The following LAMA5 variants were observed in gnomAD, a reference collection of about 807,000 sequenced individuals.
The protein encoded by LAMA5 is laminin subunit alpha 5.
In LAMA5, 260 loss-of-function variants were observed where a neutral mutation model predicts 433.4. The ratio of observed to expected loss-of-function variants is 0.60; its 90% confidence interval spans 0.54 to 0.66. The LOEUF (loss-of-function observed/expected upper bound fraction) is 0.66. Among genes scored for constraint, LAMA5 ranks in the 30% least tolerant of loss-of-function variants. The probability of loss-of-function intolerance (pLI) is 0.00; values close to 1 mark genes in which losing one functional copy is unlikely to be tolerated. For missense variants in LAMA5, 5,378 were observed against 5,258.5 expected (o/e 1.02, Z -0.70); for synonymous variants, 2,620 against 2,226.6 (o/e 1.18, Z -4.97).
chr20:62,346,262 A>T, intron 9 of LAMA5, 47 bp from the exon 10 acceptor site: 1 of 1,583,134 alleles, frequency 6.3e-7, no homozygotes, highest in Non-Finnish European at 8.6e-7. Flanking sequence ...CCAGGACTCA[A>T]GGGGTGGGCT....
In LAMA5 at chr20:62,363,109, C is replaced by A. The variant is rs562180769; in HGVS notation, c.298-557G>T. ...AAGGGGGAGCTGCAGACAGAAGGAC[C>A]GTCAGGGCCGGGATCCAGGCGGCCA... is the stretch of plus-strand genomic sequence containing the variant. On this transcript the variant is annotated intron_variant, in intron 1 of 79. Coordinates refer to ENST00000252999, the MANE Select transcript of LAMA5 (RefSeq NM_005560.6). Among the ~76,000 whole-genome samples, 3 of 152,256 alleles carry A rather than the reference C, an allele frequency of 2.0e-5. No homozygotes were observed. In the East Asian group the frequency reaches 5.8e-4, roughly 30 times the overall value.
rs762534791 is a variant in LAMA5 at position 62,338,499 on chromosome 20, G to A, written c.1587C>T (p.Cys529=). ...PNFQGTHCEL[C]APGFYGPGCQ... ...AGCCGGGGCCGTAGAACCCTGGCGCGCAGAGCTCACAATGGGTGCCTTGGA... is the reference window on the plus strand; with the variant it reads ...AGCCGGGGCCGTAGAACCCTGGCGCACAGAGCTCACAATGGGTGCCTTGGA... Residue 529 remains cysteine (C), a synonymous_variant, in exon 12 of 80, where the codon TGC becomes TGT. Transcript: ENST00000252999. The A allele has an allele frequency of 1.1e-4, 175 of 1,608,872 alleles. No homozygotes were observed. The highest frequency in any genetic ancestry group is 1.3e-4 in the Non-Finnish European group (151 of 1,178,614).
chr20:62,312,320 C>CG lies in LAMA5; in HGVS notation c.9361-5dup, dbSNP rs762419989. On this transcript the variant is annotated splice_polypyrimidine_tract_variant and splice_region_variant and intron_variant, in intron 68 of 79. Coordinates refer to ENST00000252999, the MANE Select transcript of LAMA5 (RefSeq NM_005560.6). ...GGAAAGTCATGGCGCGCCCCACCTG[C>CG]GGGGAGGCCATCCCTGAGTGCCCGC... 5 of 1,608,174 alleles carry CG rather than the reference C, an allele frequency of 3.1e-6. No individual in the cohort carries two copies. Among genetic ancestry groups the CG allele is most frequent in the Non-Finnish European group, 3.4e-6 (4 of 1,179,202 alleles).
rs1985797281 is a variant in LAMA5, at chr20:62,360,035, CTGGCTT to C, written c.450+2359_450+2364del. The stretch of plus-strand genomic sequence containing the variant: ...TGCCCGGACCCACCCGCCGCTCAGC[CTGGCTT>C]CCTGATGGAGGCCCCAGCCCCGCCC... On this transcript the variant is annotated intron_variant, in intron 2 of 79. Coordinates refer to ENST00000252999, the MANE Select transcript of LAMA5 (RefSeq NM_005560.6). 9.9e-5 allele frequency among the ~76,000 whole-genome samples: 15 copies of C among 151,158 alleles called. No individual in the cohort carries two copies. The South Asian group carries it at 2.9e-3, about 30-fold the overall frequency.
chr20:62,334,078 A>G, intron 22 of LAMA5, 39 bp from the exon 23 acceptor site: 1 of 1,596,100 alleles, frequency 6.3e-7, no homozygotes, highest in South Asian at 1.1e-5. Flanking sequence ...CTCCCTGACC[A>G]CTGCCAGCCT....
intron 37 of LAMA5, 61 bp downstream of exon 37, chr20:62,327,468 T>C: frequency 6.2e-7 from 1 of 1,605,612 alleles, no homozygotes; most frequent in Non-Finnish European, 8.5e-7. Context: ...GGCCCCATCT[T>C]GCATCCAGTC....
Position 62,335,030 on chromosome 20 carries a change from C to T in LAMA5, c.2473G>A (p.Gly825Ser). The change falls in exon 20 of 80, where the codon GGC (glycine) becomes AGC (serine). Residue 825 changes from glycine to serine, a missense_variant. By Grantham distance (56) the Gly-to-Ser change is moderately conservative. Coordinates refer to ENST00000252999, the MANE Select transcript of LAMA5 (RefSeq NM_005560.6). ...FFGLDQADYF[G>S]CRSCRCDIGG... ...GCGAGTGGGCACTCACTGCGGCAGC[C>T]AAAATAGTCAGCCTGATCCAGTCCA... is the stretch of plus-strand genomic sequence containing the variant. The T allele has an allele frequency of 6.2e-7, 1 of 1,612,794 alleles. No homozygotes were observed. Among genetic ancestry groups the T allele is most frequent in the South Asian group, 1.1e-5 (1 of 91,080 alleles).
chr20:62,362,672 C>G (rs1254446979), intron 1 of LAMA5, 120 bp from the exon 2 acceptor site: 3 of 816,856 alleles, frequency 3.7e-6, no homozygotes, highest in Non-Finnish European at 5.2e-6. Flanking sequence ...CACGCCCAGC[C>G]TCTGCGCCCC....
intron 48 of LAMA5, among the ~76,000 whole-genome samples, chr20:62,321,793 G>A (rs1330382319): frequency 1.3e-5 from 2 of 151,294 alleles, no homozygotes; most frequent in African/African-American, 4.9e-5. Context: ...AGATGGGGTG[G>A]GGCCAGGGCA....
rs182313028 is a variant in LAMA5 at position 62,336,337 on chromosome 20, C to T, written c.2323+3G>A. Reference sequence around the variant, plus strand: ...GTACCCCAATACTCCAGGGCACACTCACGGGTACAGCCCTCGGGGTTGCTG... The same window carrying T: ...GTACCCCAATACTCCAGGGCACACTTACGGGTACAGCCCTCGGGGTTGCTG... On this transcript the variant is annotated splice_donor_region_variant and intron_variant, in intron 18 of 79. Transcript: ENST00000252999. The T allele has an allele frequency of 5.0e-6, 8 of 1,601,642 alleles. No homozygotes were observed. The East Asian group carries it at 1.8e-4, about 36-fold the overall frequency.
In LAMA5 at chr20:62,311,551, C is replaced by T. The variant is rs1371501206; in HGVS notation, c.9807-15G>A. 1.2e-6 allele frequency: 2 copies of T among 1,609,352 alleles called. No individual in the cohort carries two copies. Among genetic ancestry groups the T allele is most frequent in the Non-Finnish European group, 1.7e-6 (2 of 1,178,014 alleles). On this transcript the variant is annotated splice_polypyrimidine_tract_variant and intron_variant, in intron 71 of 79. Coordinates refer to ENST00000252999, the MANE Select transcript of LAMA5 (RefSeq NM_005560.6). ...GGCCCAGGAGCCTGTGCAGGGCGGG[C>T]AGGCGGTCAGCAGCTGCGGAAGGCC...
chr20:62,338,293 G>GC lies in LAMA5; in HGVS notation c.1694dup (p.Phe566LeufsTer7). On this transcript the variant is annotated frameshift_variant, in exon 13 of 80. Transcript: ENST00000252999. LOFTEE classifies it high-confidence loss of function. Reference sequence around the variant, plus strand: ...AGCGATCACATGTGGCCCCCTCGAAGCCCACTCGGCACCTGCACTGGCCTG... The same window carrying GC: ...AGCGATCACATGTGGCCCCCTCGAAGCCCCACTCGGCACCTGCACTGGCCTG... 1.2e-6 allele frequency: 2 copies of GC among 1,603,710 alleles called. No individual in the cohort carries two copies. The highest frequency in any genetic ancestry group is 1.7e-6 in the Non-Finnish European group (2 of 1,175,516).
At position 62,337,898 on chromosome 20, in the gene LAMA5, A is replaced by G; in HGVS notation, c.1932T>C (p.Cys644=). The G allele has an allele frequency of 1.9e-6, 3 of 1,612,122 alleles. No homozygotes were observed. Among genetic ancestry groups the G allele is most frequent in the Non-Finnish European group, 2.5e-6 (3 of 1,179,676 alleles). The change falls in exon 15 of 80, where the codon TGT becomes TGC. Residue 644 remains cysteine, a synonymous_variant. Transcript: ENST00000252999. ...CDPRGALDQL[C]GAGGLCRCRP... Reference sequence around the variant, plus strand: ...GGCAGCGGCACAAACCTCCCGCCCCACAGAGCTGGTCCAGGGCTCCCCGAG... The same window carrying G: ...GGCAGCGGCACAAACCTCCCGCCCCGCAGAGCTGGTCCAGGGCTCCCCGAG...
Position 62,346,154 on chromosome 20 carries a change from G to A in LAMA5, c.1344C>T (p.Tyr448=). 6.2e-7 allele frequency: 1 copy of A among 1,613,068 alleles called. No individual in the cohort carries two copies. Among genetic ancestry groups the A allele is most frequent in the Non-Finnish European group, 8.5e-7 (1 of 1,179,974 alleles). ...GTCEDLTGRC[Y]CRPNFSGERC... is the part of the protein sequence containing the mutation. ...GCTCCCCAGAGAAGTTGGGCCGGCA[G>A]TAGCATCGACCCGTCAGGTCCTCGC... The change falls in exon 10 of 80, where the codon TAC becomes TAT. Residue 448 remains tyrosine (Y), a synonymous_variant. Coordinates refer to ENST00000252999, the MANE Select transcript of LAMA5 (RefSeq NM_005560.6).
chr20:62,328,554 C>CA (rs760161393), intron 34 of LAMA5, 109 bp from the exon 35 acceptor site: 60 of 1,184,734 alleles, frequency 5.1e-5, no homozygotes, highest in Non-Finnish European at 6.8e-5. Context: ...GCGGGGGAGA[C>CA]AAGAACAGGG....
chr20:62,312,823 G>A lies in LAMA5; in HGVS notation c.9079-43C>T, dbSNP rs199590636. 2.1e-5 allele frequency: 34 copies of A among 1,601,512 alleles called. No individual in the cohort carries two copies. The East Asian group carries it at 4.1e-4, about 19-fold the overall frequency. ...GCTCCAGGGCCAGCTGTGTCCCTGC[G>A]GCCTGCCCCGCCCCCATCGTTCCAT... is the stretch of plus-strand genomic sequence containing the variant. On this transcript the variant is annotated intron_variant, in intron 66 of 79. Transcript: ENST00000252999.
At chr20:62,314,998 T>C in intron 59 of LAMA5, 30 bp downstream of exon 59, 1 of 1,578,330 alleles carries the variant, frequency 6.3e-7, no homozygotes. Flanking sequence ...CCCGCCTCCA[T>C]CAGGGGCACC....
Position 62,330,504 on chromosome 20 carries a change from G to A in LAMA5, c.3963C>T (p.Ala1321=), listed in dbSNP as rs373166714. The A allele has an allele frequency of 1.0e-4, 157 of 1,560,076 alleles. No homozygotes were observed. The highest frequency in any genetic ancestry group is 5.1e-4 in the Middle Eastern group (3 of 5,882). ...PTFPVEVLIN[A]GRVWQGHANA... Reference sequence around the variant, plus strand: ...GACACTCACCCTGCCACACGCGGCCGGCGTTGATGAGGACTTCCACGGGGA... The same window carrying A: ...GACACTCACCCTGCCACACGCGGCCAGCGTTGATGAGGACTTCCACGGGGA... The change falls in exon 31 of 80, where the codon GCC becomes GCT. Residue 1321 remains alanine, a synonymous_variant. Transcript: ENST00000252999.
At position 62,322,423 on chromosome 20, in the gene LAMA5, G is replaced by T; in HGVS notation, c.6192C>A (p.Cys2064Ter). ...CACAAGCACACGGGCGGCAGCCCCC[G>T]CAGCCATCGAAACCAAAATGTCCCT... ...CQEGHFGFDG[C>*]GGCRPCACGP... Residue 2064 changes from cysteine to a stop codon, truncating the protein, a stop_gained, in exon 47 of 80, where the codon TGC becomes TGA. Coordinates refer to ENST00000252999, the MANE Select transcript of LAMA5 (RefSeq NM_005560.6). LOFTEE classifies it high-confidence loss of function. The T allele has an allele frequency of 6.3e-7, 1 of 1,592,072 alleles. No homozygotes were observed. The highest frequency in any genetic ancestry group is 8.5e-7 in the Non-Finnish European group (1 of 1,170,134).
Sources: gnomAD v4.1 joint callset for allele counts (sites outside exome capture counted in the v4.1 genomes callset) on GRCh38, gnomAD v4.1.1 for gene constraint, MANE v1.5 for transcripts, NCBI Gene and HGNC (gene_info 2026-07-23, HGNC 2026-07-21) for gene names.